KLRG1: variants seen among roughly 807,000 people sequenced by gnomAD.
KLRG1 encodes killer cell lectin like receptor G1.
In KLRG1, 16 loss-of-function variants were observed where a neutral mutation model predicts 21.8. The observed-to-expected ratio is 0.73, with a 90% CI of 0.50 to 1.11. KLRG1 has a LOEUF of 1.11. Among genes scored for constraint, KLRG1 ranks in the 50% most tolerant of loss-of-function variants. The pLI is 0.00. For missense variants in KLRG1, 173 were observed against 218.3 expected (o/e 0.79, Z 1.31); for synonymous variants, 69 against 75.9 (o/e 0.91, Z 0.47).
chr12:9,151,308 G>C, the KLRG1 span, among the ~76,000 whole-genome samples: 88 of 152,066 alleles, frequency 5.8e-4, no homozygotes, highest in Admixed American at 9.2e-4. Flanking sequence ...TATTCATATC[G>C]TCAGGGAGTG....
the KLRG1 span, chr12:9,052,768 C>G: frequency 2.3e-6 from 1 of 427,004 alleles, no homozygotes; most frequent in African/African-American, 2.1e-5. Context: ...CTCCAAACTT[C>G]TGTTTTTCAT....
chr12:9,003,710 A>G (rs113143698), intron 3 of KLRG1, among the ~76,000 whole-genome samples: 1 of 148,026 alleles, frequency 6.8e-6, no homozygotes, highest in Non-Finnish European at 1.5e-5. Context: ...TTTCTTTTTT[A>G]TTATTATTAT....
chr12:8,992,092 A>G, intron 1 of KLRG1, 114 bp from the exon 2 acceptor site: 1 of 757,644 alleles, frequency 1.3e-6, no homozygotes, highest in Non-Finnish European at 2.2e-6. Context: ...TATGGCCTGG[A>G]TCTCAGTTCC....
chr12:9,159,871 AAGAC>A, the KLRG1 span: 10 of 1,363,106 alleles, frequency 7.3e-6, no homozygotes, highest in East Asian at 1.6e-4. Flanking sequence ...AAAATGGACT[AAGAC>A]AGGTAATCTA....
upstream of KLRG1, among the ~76,000 whole-genome samples, chr12:8,987,643 A>C (rs1565544006): frequency 6.6e-6 from 1 of 152,182 alleles, no homozygotes; most frequent in Non-Finnish European, 1.5e-5. Context: ...CCCTGTACCC[A>C]TTAAGCAACT....
the KLRG1 span, chr12:9,068,363 A>G: frequency 3.5e-6 from 3 of 854,230 alleles, no homozygotes; most frequent in Non-Finnish European, 5.4e-6. Context: ...AGCATCATTC[A>G]TCTGATGTGT....
the KLRG1 span, among the ~76,000 whole-genome samples, chr12:9,084,273 A>G: frequency 6.6e-6 from 1 of 152,220 alleles, no homozygotes; most frequent in Non-Finnish European, 1.5e-5. Flanking sequence ...TATAAGTAAT[A>G]TAGAGCCATA....
At chr12:8,999,765 G>A (rs772704599) in intron 3 of KLRG1, among the ~76,000 whole-genome samples, 22 of 152,256 alleles carry the variant, frequency 1.4e-4, no homozygotes, top group African/African-American at 4.3e-4. Flanking sequence ...CTGTCCGGGC[G>A]TGGTGGCTCA....
chr12:9,008,720 C>T (rs1312892137), intron 3 of KLRG1, among the ~76,000 whole-genome samples: 1 of 151,916 alleles, frequency 6.6e-6, no homozygotes, highest in Non-Finnish European at 1.5e-5. Flanking sequence ...AGGCCCCACC[C>T]TCATGGCCTC....
At chr12:9,214,448 T>C in the KLRG1 span, among the ~76,000 whole-genome samples, 1 of 152,048 alleles carries the variant, frequency 6.6e-6, no homozygotes, top group Non-Finnish European at 1.5e-5. Context: ...TTTATCCGAT[T>C]AAGTCTTCCA....
At chr12:9,154,753 C>G in the KLRG1 span, 5 of 1,613,984 alleles carry the variant, frequency 3.1e-6, no homozygotes, top group African/African-American at 1.3e-5. Context: ...GATGTCATCT[C>G]CACCTCAGCA....
At chr12:9,041,296 C>T in the KLRG1 span, among the ~76,000 whole-genome samples, 1 of 152,190 alleles carries the variant, frequency 6.6e-6, no homozygotes, top group African/African-American at 2.4e-5. Flanking sequence ...GATCGCGCCT[C>T]TGCAGTCCAG....
chr12:9,095,495 T>C, the KLRG1 span: 1 of 1,562,238 alleles, frequency 6.4e-7, no homozygotes, highest in Admixed American at 1.7e-5. Context: ...GTGTAATATT[T>C]TAAGAAGCTT....
the KLRG1 span, among the ~76,000 whole-genome samples, chr12:9,062,542 T>C: frequency 1.4e-5 from 2 of 147,600 alleles, no homozygotes; most frequent in Non-Finnish European, 1.5e-5. Context: ...GATATGTTTA[T>C]ATCAGATATA....
At chr12:9,103,546 A>G in the KLRG1 span, among the ~76,000 whole-genome samples, 7 of 152,102 alleles carry the variant, frequency 4.6e-5, 1 homozygote, top group Non-Finnish European at 7.4e-5. Flanking sequence ...AAACCTGAAT[A>G]CCAATAAGAG....
the KLRG1 span, among the ~76,000 whole-genome samples, chr12:9,183,975 C>T: frequency 6.6e-6 from 1 of 152,254 alleles, no homozygotes; most frequent in Admixed American, 6.5e-5. Flanking sequence ...AATAAGCTCC[C>T]CTTCTAAAAG....
chr12:9,187,077 C>CAAAAAAAAAA, the KLRG1 span, among the ~76,000 whole-genome samples: 2 of 128,712 alleles, frequency 1.6e-5, no homozygotes, highest in African/African-American at 3.0e-5. Context: ...CAAGAAAGGT[C>CAAAAAAAAAA]AAAAAAAAAA....
chr12:8,965,262 T>A (rs760522320), intron 1 of KLRG1, among the ~76,000 whole-genome samples: 103 of 152,320 alleles, frequency 6.8e-4, no homozygotes, highest in African/African-American at 2.2e-3. Context: ...AAGCATTCCC[T>A]TTGAAAATGG....
the KLRG1 span, chr12:9,098,784 A>G: frequency 6.2e-7 from 1 of 1,608,144 alleles, no homozygotes; most frequent in African/African-American, 1.3e-5. Context: ...AAGGTCAGAA[A>G]AGCAAATTTC....
Sources: allele counts gnomAD v4.1 joint callset (sites outside exome capture counted in the v4.1 genomes callset), GRCh38; gene constraint gnomAD v4.1.1; transcripts MANE v1.5; gene names NCBI Gene and HGNC (gene_info 2026-07-23, HGNC 2026-07-21).